SMIM36: variants seen among roughly 807,000 people sequenced by gnomAD.
SMIM36 encodes the protein small integral membrane protein 36.
At chr17:55,490,328 T>G (rs1268934670) in intron 1 of SMIM36, among the ~76,000 whole-genome samples, 3 of 152,118 alleles carry the variant, frequency 2.0e-5, no homozygotes, top group African/African-American at 7.2e-5. Context: ...CCTGTCTGCT[T>G]CTTTTTGCTG....
chr17:55,527,330 T>C, the SMIM36 span: 1 of 152,164 alleles, frequency 6.6e-6, no homozygotes. Flanking sequence ...AGTCCTTAAC[T>C]TCTGAGAATA....
chr17:55,495,598 G>A (rs1287544602), intron 1 of SMIM36, among the ~76,000 whole-genome samples: 1 of 151,770 alleles, frequency 6.6e-6, no homozygotes, highest in Non-Finnish European at 1.5e-5. Flanking sequence ...GACAAGCCTG[G>A]GCAACATAGT....
At chr17:55,521,848 C>A in the SMIM36 span, among the ~76,000 whole-genome samples, 1 of 146,372 alleles carries the variant, frequency 6.8e-6, no homozygotes, top group South Asian at 2.2e-4. Context: ...ACCATCTTCA[C>A]CGCTTTGACT....
At chr17:55,527,021 T>C in the SMIM36 span, 1 of 152,200 alleles carries the variant, frequency 6.6e-6, no homozygotes, top group Non-Finnish European at 1.5e-5. Context: ...CGGAAGAAGA[T>C]ACCCTCCCAG....
chr17:55,457,863 T>C (rs149584904), intron 4 of SMIM36, among the ~76,000 whole-genome samples: 1 of 152,148 alleles, frequency 6.6e-6, no homozygotes, highest in Non-Finnish European at 1.5e-5. Context: ...TTGACATCTG[T>C]AGAGATCTTT....
At chr17:55,511,040 C>G (rs1453702116) in exon 1 of SMIM36, 1 of 398,154 alleles carries the variant, frequency 2.5e-6, no homozygotes, top group African/African-American at 2.1e-5. Context: ...TCCCCAGTGT[C>G]CCTTAGCCAG....
intron 1 of SMIM36, among the ~76,000 whole-genome samples, chr17:55,509,582 T>C (rs1033289877): frequency 1.2e-4 from 18 of 152,188 alleles, no homozygotes; most frequent in African/African-American, 4.1e-4. Context: ...TTTCTTATCT[T>C]TCATTGTCTA....
the SMIM36 span, among the ~76,000 whole-genome samples, chr17:55,528,276 C>T: frequency 6.6e-6 from 1 of 152,304 alleles, no homozygotes; most frequent in African/African-American, 2.4e-5. Context: ...AATACCATTG[C>T]TCACGATTAT....
Position 55,511,362 on chromosome 17 carries a change from C to A in SMIM36, c.-28G>T, listed in dbSNP as rs1160698764. The A allele has an allele frequency of 1.0e-5, 4 of 398,124 alleles. No homozygotes were observed. Among genetic ancestry groups the A allele is most frequent in the South Asian group, 1.3e-4 (1 of 7,542 alleles). The allele number at this position is 398,124 out of a possible 1,614,324, so 24.7% of individuals were successfully genotyped here. On this transcript the variant is annotated 5_prime_UTR_variant, in exon 1 of 5. The change abolishes the stop of an existing upstream ORF in the 5' untranslated region. Coordinates refer to ENST00000636752, the Ensembl canonical transcript of SMIM36. Reference sequence around the variant, plus strand: ...CTTCTCCCACGGTGGAGAAGTGGGTCTAGAGAAAGGCAATTGGGGTCAGTT... The same window carrying A: ...CTTCTCCCACGGTGGAGAAGTGGGTATAGAGAAAGGCAATTGGGGTCAGTT...
intron 3 of SMIM36, among the ~76,000 whole-genome samples, chr17:55,477,387 T>A (rs1475128898): frequency 6.6e-6 from 1 of 152,148 alleles, no homozygotes; most frequent in Non-Finnish European, 1.5e-5. Context: ...TAGAGATGCA[T>A]CATTCCAGAC....
At chr17:55,531,139 G>A in the SMIM36 span, among the ~76,000 whole-genome samples, 1 of 152,024 alleles carries the variant, frequency 6.6e-6, no homozygotes, top group Non-Finnish European at 1.5e-5. Flanking sequence ...GCTCTCCATG[G>A]TTATTAAAGG....
chr17:55,517,282 C>T, the SMIM36 span, among the ~76,000 whole-genome samples: 10 of 152,092 alleles, frequency 6.6e-5, no homozygotes, highest in East Asian at 3.8e-4. Context: ...CTGGCATGTT[C>T]GCTCACACCT....
At chr17:55,459,547 C>T (rs1909098443) in intron 4 of SMIM36, among the ~76,000 whole-genome samples, 1 of 152,202 alleles carries the variant, frequency 6.6e-6, no homozygotes. Context: ...TAGAAATCCT[C>T]ATACTGTTCA....
intron 4 of SMIM36, among the ~76,000 whole-genome samples, chr17:55,461,277 C>A (rs868135930): frequency 3.3e-4 from 51 of 152,302 alleles, no homozygotes; most frequent in African/African-American, 9.9e-4. Context: ...TCTGTCTTTT[C>A]TCTTGCTTAT....
the SMIM36 span, chr17:55,527,809 G>A: frequency 1.3e-5 from 2 of 152,190 alleles, no homozygotes; most frequent in Non-Finnish European, 2.9e-5. Flanking sequence ...GGGGAGAAGA[G>A]AACTATCAAC....
At chr17:55,498,999 C>CAAAAAAAAAAAAAAAAAAAGAAAAAA (rs1909861468) in intron 1 of SMIM36, among the ~76,000 whole-genome samples, 1 of 67,048 alleles carries the variant, frequency 1.5e-5, no homozygotes, top group Non-Finnish European at 3.0e-5. Context: ...ACTCTGTCAC[C>CAAAAAAAAAAAAAAAAAAAGAAAAAA]AAAAAAAAAA....
At chr17:55,521,132 C>CA in the SMIM36 span, among the ~76,000 whole-genome samples, 113 of 143,284 alleles carry the variant, frequency 7.9e-4, no homozygotes, top group South Asian at 2.6e-3. Flanking sequence ...GATTGCATCT[C>CA]AAAAAAAAAA....
chr17:55,462,790 A>G (rs1037954807), intron 4 of SMIM36, among the ~76,000 whole-genome samples: 8 of 152,116 alleles, frequency 5.3e-5, no homozygotes, highest in African/African-American at 1.7e-4. Context: ...TGCACAATCT[A>G]AAATAGGTCA....
chr17:55,530,721 T>G, the SMIM36 span, among the ~76,000 whole-genome samples: 3 of 151,590 alleles, frequency 2.0e-5, no homozygotes, highest in East Asian at 1.9e-4. Flanking sequence ...AGGCAGAGGG[T>G]GTAGTGAGCC....
Sources: gnomAD v4.1 joint callset for allele counts (sites outside exome capture counted in the v4.1 genomes callset) on GRCh38, gnomAD v4.1.1 for gene constraint, MANE v1.5 for transcripts, NCBI Gene and HGNC (gene_info 2026-07-23, HGNC 2026-07-21) for gene names.